The following CCSER1 variants were observed in gnomAD, a reference collection of about 807,000 sequenced individuals.
CCSER1 encodes the protein serine-rich coiled-coil domain-containing protein 1.
Under a neutral mutation model 82.0 loss-of-function variants are expected in CCSER1, and 41 were observed. The ratio of observed to expected loss-of-function variants is 0.50; its 90% confidence interval spans 0.39 to 0.65. The LOEUF (loss-of-function observed/expected upper bound fraction) is 0.65. CCSER1 is among the 30% of genes least tolerant of loss of function. The pLI, the probability that CCSER1 is intolerant of heterozygous loss-of-function variation, is 0.00. For missense variants in CCSER1, 1,119 were observed against 1,064.2 expected (o/e 1.05, Z -0.72); for synonymous variants, 414 against 383.9 (o/e 1.08, Z -0.92).
intron 6 of CCSER1, among the ~76,000 whole-genome samples, chr4:90,692,394 G>A (rs78309799): frequency 0.014 from 2,072 of 151,852 alleles, 51 homozygotes; most frequent in African/African-American, 0.048. Flanking sequence ...TCACCTCATG[G>A]TTTCCTGATT....
At chr4:91,291,457 C>T (rs1438286049) in intron 10 of CCSER1, among the ~76,000 whole-genome samples, 1 of 151,970 alleles carries the variant, frequency 6.6e-6, no homozygotes, top group East Asian at 1.9e-4. Context: ...CATGGTTGTA[C>T]AAACCGTACA....
In CCSER1 at chr4:90,456,700, A is replaced by G. The variant is rs143902839; in HGVS notation, c.1604-11534A>G. Among the ~76,000 whole-genome samples, 18 of 152,330 alleles carry G rather than the reference A, an allele frequency of 1.2e-4. No individual in the cohort carries two copies. The East Asian group carries it at 1.3e-3, about 11-fold the overall frequency. ...TCCTCATGTCTTAAGTCCAGCAGCTATGCTAGTCACTTTCAACTGGCCAAG... is the reference window on the plus strand; with the variant it reads ...TCCTCATGTCTTAAGTCCAGCAGCTGTGCTAGTCACTTTCAACTGGCCAAG... On this transcript the variant is annotated intron_variant, in intron 4 of 10. Transcript: ENST00000509176.
At chr4:90,904,989 A>G (rs539314367) in intron 8 of CCSER1, among the ~76,000 whole-genome samples, 4 of 151,952 alleles carry the variant, frequency 2.6e-5, no homozygotes, top group Non-Finnish European at 5.9e-5. Context: ...CCAGCCTCCC[A>G]TTTGCTCAGA....
intron 10 of CCSER1, among the ~76,000 whole-genome samples, chr4:91,372,525 A>G (rs796584898): frequency 2.0e-5 from 3 of 151,580 alleles, no homozygotes; most frequent in African/African-American, 7.3e-5. Flanking sequence ...TCTCAATTCT[A>G]TTGTTCTTTC....
At chr4:91,273,906 A>G (rs2149188327) in intron 10 of CCSER1, among the ~76,000 whole-genome samples, 1 of 152,258 alleles carries the variant, frequency 6.6e-6, no homozygotes, top group East Asian at 1.9e-4. Context: ...GTATCACCAA[A>G]GCACAGTACT....
intron 5 of CCSER1, among the ~76,000 whole-genome samples, chr4:90,530,364 G>A (rs1007478925): frequency 3.9e-5 from 6 of 152,120 alleles, no homozygotes; most frequent in Admixed American, 2.0e-4. Flanking sequence ...TACCCCAGCT[G>A]GTGAACAGGC....
chr4:90,888,373 T>G, intron 8 of CCSER1, among the ~76,000 whole-genome samples: 1 of 152,140 alleles, frequency 6.6e-6, no homozygotes, highest in East Asian at 1.9e-4. Flanking sequence ...CTTCCTTGAT[T>G]TAAATATACT....
At chr4:90,647,405 G>T (rs1024333918) in intron 6 of CCSER1, among the ~76,000 whole-genome samples, 1 of 152,112 alleles carries the variant, frequency 6.6e-6, no homozygotes, top group Non-Finnish European at 1.5e-5. Context: ...GGGCTTTCTA[G>T]ATTTCAAAAA....
At chr4:91,463,012 G>A (rs1756602121) in intron 10 of CCSER1, among the ~76,000 whole-genome samples, 3 of 152,142 alleles carry the variant, frequency 2.0e-5, no homozygotes, top group Non-Finnish European at 2.9e-5. Flanking sequence ...GAGAGTAGTG[G>A]TTCTCCCAGC....
At chr4:90,363,431 A>C (rs977786182) in intron 3 of CCSER1, among the ~76,000 whole-genome samples, 22 of 152,274 alleles carry the variant, frequency 1.4e-4, no homozygotes, top group African/African-American at 5.1e-4. Flanking sequence ...TTGGTGAATG[A>C]ATATCACTGT....
chr4:91,046,467 C>A (rs1041245997), intron 9 of CCSER1, among the ~76,000 whole-genome samples: 3 of 152,052 alleles, frequency 2.0e-5, no homozygotes, highest in Admixed American at 2.0e-4. Context: ...GAACTACTTT[C>A]TGTTTTGGAG....
At chr4:91,149,352 A>C (rs893260547) in intron 10 of CCSER1, among the ~76,000 whole-genome samples, 1 of 152,118 alleles carries the variant, frequency 6.6e-6, no homozygotes, top group Non-Finnish European at 1.5e-5. Flanking sequence ...AAATTTGTTT[A>C]AGTTCTTTGT....
intron 6 of CCSER1, among the ~76,000 whole-genome samples, chr4:90,718,241 T>C (rs187108158): frequency 2.0e-5 from 3 of 152,214 alleles, no homozygotes; most frequent in African/African-American, 7.2e-5. Context: ...AGGATCATTA[T>C]AGAATTTACC....
intron 8 of CCSER1, among the ~76,000 whole-genome samples, chr4:90,895,671 T>C (rs920212569): frequency 6.6e-6 from 1 of 151,820 alleles, no homozygotes; most frequent in Admixed American, 6.6e-5. Context: ...GTAAACATAG[T>C]TGAGGCTTTG....
chr4:90,774,533 G>C (rs1485772457), intron 7 of CCSER1, among the ~76,000 whole-genome samples: 1 of 152,048 alleles, frequency 6.6e-6, no homozygotes, highest in African/African-American at 2.4e-5. Flanking sequence ...ATAATTATGA[G>C]CCTAGTACCT....
chr4:90,557,885 T>C (rs925414833), intron 5 of CCSER1, among the ~76,000 whole-genome samples: 1 of 152,158 alleles, frequency 6.6e-6, no homozygotes, highest in Non-Finnish European at 1.5e-5. Flanking sequence ...AGTTGTATTT[T>C]GATTCAGATA....
intron 9 of CCSER1, among the ~76,000 whole-genome samples, chr4:91,064,509 T>C (rs530628075): frequency 6.6e-6 from 1 of 152,368 alleles, no homozygotes; most frequent in South Asian, 2.1e-4. Context: ...GCAACACTTA[T>C]GCAGTGTTTC....
chr4:90,526,123 G>A (rs981750469), intron 5 of CCSER1, among the ~76,000 whole-genome samples: 2 of 151,962 alleles, frequency 1.3e-5, no homozygotes, highest in Admixed American at 6.6e-5. Context: ...AATTGAGAAG[G>A]TATATGTAAT....
chr4:91,593,467 C>CTTTTTTTTTTTTTTTTTTTTTTT (rs753973015), intron 10 of CCSER1, among the ~76,000 whole-genome samples: 12 of 55,044 alleles, frequency 2.2e-4, no homozygotes, highest in Admixed American at 2.7e-4. Flanking sequence ...CAACCCCGTG[C>CTTTTTTTTTTTTTTTTTTTTTTT]TTTTTTTTTT....
Sources: gnomAD v4.1 joint callset for allele counts (sites outside exome capture counted in the v4.1 genomes callset) on GRCh38, gnomAD v4.1.1 for gene constraint, MANE v1.5 for transcripts, NCBI Gene and HGNC (gene_info 2026-07-23, HGNC 2026-07-21) for gene names.